Variants in GPR158 observed in about 807,000 individuals in gnomAD.
GPR158 encodes metabotropic glycine receptor.
In GPR158, 30 loss-of-function variants were observed where a neutral mutation model predicts 78.2. That is an observed-to-expected ratio of 0.38 (90% CI 0.29 to 0.52). GPR158 has a LOEUF of 0.52. GPR158 is among the 20% of genes least tolerant of loss of function. The probability of loss-of-function intolerance (pLI) is 0.83; values close to 1 mark genes in which losing one functional copy is unlikely to be tolerated. For synonymous variants in GPR158, 581 were observed against 591.1 expected, an observed-to-expected ratio of 0.98 and a Z score of 0.25; for missense variants, 1,463 against 1,523.5, an observed-to-expected ratio of 0.96 and a Z score of 0.66.
chr10:25,534,174 A>G (rs1836460844), intron 5 of GPR158, among the ~76,000 whole-genome samples: 1 of 152,096 alleles, frequency 6.6e-6, no homozygotes, highest in South Asian at 2.1e-4. Context: ...TTATGTTGAT[A>G]TCTATCATCT....
chr10:25,596,953 T>G (rs1837416795), intron 10 of GPR158, among the ~76,000 whole-genome samples, 164 bp downstream of exon 10: 1 of 152,202 alleles, frequency 6.6e-6, no homozygotes. Context: ...AGATGTCAAA[T>G]GCAGAGTTAA....
intron 4 of GPR158, among the ~76,000 whole-genome samples, chr10:25,456,850 G>A (rs185044538): frequency 3.9e-5 from 6 of 152,202 alleles, no homozygotes; most frequent in Admixed American, 1.3e-4. Flanking sequence ...GGGTAATCAA[G>A]TATTTTCTCT....
Position 25,175,365 on chromosome 10 carries a change from A to G in GPR158, c.-56A>G, listed in dbSNP as rs1035660425. 1 of 1,133,526 alleles carries G rather than the reference A, an allele frequency of 8.8e-7. No homozygotes were observed. Among genetic ancestry groups the G allele is most frequent in the Admixed American group, 2.3e-5 (1 of 42,954 alleles). 70.2% of individuals were successfully genotyped at this position (1,133,526 alleles called of 1,614,324 possible). ...TGACTGTTGAGAAACTGACGATCCA[A>G]ATTTAAAAAGTGATTCCCCCCCCTC... On this transcript the variant is annotated 5_prime_UTR_variant, in exon 1 of 11. Coordinates refer to ENST00000376351, the MANE Select transcript of GPR158 (RefSeq NM_020752.3). The surrounding 1 kb of genome is among the most constrained non-coding windows in gnomAD (Gnocchi z 6.4).
chr10:25,465,898 C>T (rs1458001278), intron 4 of GPR158, among the ~76,000 whole-genome samples: 1 of 152,180 alleles, frequency 6.6e-6, no homozygotes, highest in East Asian at 1.9e-4. Context: ...GCTGTTCTTC[C>T]TGGGTCAATA....
At chr10:25,336,076 T>C (rs1855201773) in intron 2 of GPR158, among the ~76,000 whole-genome samples, 1 of 152,086 alleles carries the variant, frequency 6.6e-6, no homozygotes, top group Non-Finnish European at 1.5e-5. Flanking sequence ...AGATAGATCA[T>C]TGTCATACTA....
intron 2 of GPR158, among the ~76,000 whole-genome samples, chr10:25,233,675 G>T (rs1315218597): frequency 6.6e-6 from 1 of 152,200 alleles, no homozygotes. Context: ...ACCCCTGGGG[G>T]TCCTCAAGAC....
chr10:25,599,346 A>C lies in GPR158; in HGVS notation c.*72A>C. The C allele has an allele frequency of 8.8e-7, 1 of 1,132,804 alleles. No individual in the cohort carries two copies. Among genetic ancestry groups the C allele is most frequent in the Non-Finnish European group, 1.3e-6 (1 of 795,628 alleles). The allele number at this position is 1,132,804 out of a possible 1,614,324, so 70.2% of individuals were successfully genotyped here. ...GAGACAGAAGATATAAGAATCAAAT[A>C]TTCCCAAGGAGGATTTGTCAATCAA... On this transcript the variant is annotated 3_prime_UTR_variant, in exon 11 of 11. Coordinates refer to ENST00000376351, the MANE Select transcript of GPR158 (RefSeq NM_020752.3).
chr10:25,420,863 T>C (rs988258028), intron 4 of GPR158, among the ~76,000 whole-genome samples: 1 of 152,202 alleles, frequency 6.6e-6, no homozygotes, highest in Non-Finnish European at 1.5e-5. Flanking sequence ...TTTTGATTAC[T>C]ATATCTTTGT....
intron 6 of GPR158, among the ~76,000 whole-genome samples, chr10:25,563,839 TTAATAAACTTTATC>T (rs1314772475): frequency 4.6e-5 from 7 of 152,206 alleles, no homozygotes; most frequent in African/African-American, 1.7e-4. Flanking sequence ...AAAAAAATTT[TTAATAAACTTTATC>T]TAATAAGGTT....
chr10:25,231,107 G>A (rs544082959), intron 2 of GPR158, among the ~76,000 whole-genome samples: 3 of 152,264 alleles, frequency 2.0e-5, no homozygotes, highest in South Asian at 2.1e-4. Context: ...CCAAAGGTGA[G>A]ATTTTCTGAT....
chr10:25,327,271 C>G (rs1039338804), intron 2 of GPR158, among the ~76,000 whole-genome samples: 3 of 151,846 alleles, frequency 2.0e-5, no homozygotes, highest in Admixed American at 2.0e-4. Context: ...CACACACACA[C>G]AGAAACACAA....
chr10:25,510,229 TGAA>T (rs1836066746), intron 5 of GPR158, among the ~76,000 whole-genome samples: 1 of 152,198 alleles, frequency 6.6e-6, no homozygotes, highest in African/African-American at 2.4e-5. Context: ...CTGTTGGTAA[TGAA>T]GAAGAATAAT....
At chr10:25,567,021 G>A (rs1031898721) in intron 6 of GPR158, among the ~76,000 whole-genome samples, 3 of 152,150 alleles carry the variant, frequency 2.0e-5, no homozygotes, top group Non-Finnish European at 2.9e-5. Context: ...GAATTTCTAC[G>A]AACATGGTAA....
Position 25,376,519 on chromosome 10 carries a change from C to T in GPR158, c.1009-19392C>T, listed in dbSNP as rs916247428. Among the ~76,000 whole-genome samples the T allele has an allele frequency of 4.0e-5, 6 of 151,600 alleles. No homozygotes were observed. In the South Asian group the frequency reaches 1.2e-3, roughly 31 times the overall value. On this transcript the variant is annotated intron_variant, in intron 2 of 10. Transcript: ENST00000376351. ...TTCTCTGAGGGGTATCCTTACTATA[C>T]GTAATTGTCAGTGATTTAAACCATA...
chr10:25,189,797 A>G (rs1396139024), intron 1 of GPR158, among the ~76,000 whole-genome samples: 1 of 150,056 alleles, frequency 6.7e-6, no homozygotes, highest in Non-Finnish European at 1.5e-5. Flanking sequence ...TAAAAAAAAA[A>G]CCTTTAAAAA....
chr10:25,313,861 A>T (rs996366095), intron 2 of GPR158, among the ~76,000 whole-genome samples: 1 of 152,092 alleles, frequency 6.6e-6, no homozygotes, highest in Non-Finnish European at 1.5e-5. Context: ...AATTTGGAAG[A>T]CTTCCTTCAT....
rs12264207 is a variant in GPR158, at chr10:25,480,935, G to A, written c.1404+14216G>A. On this transcript the variant is annotated intron_variant, in intron 5 of 10. Transcript: ENST00000376351. ...GGTATTAGTACTGGAAGACACCTTC[G>A]TGGCTCTTGTCTGAGTTTATTTCTG... Among the ~76,000 whole-genome samples the A allele has an allele frequency of 9.5e-3, 1,444 of 152,230 alleles. 26 individuals are homozygous for A. Among genetic ancestry groups the A allele is most frequent in the African/African-American group, 0.033 (1,389 of 41,528 alleles).
intron 5 of GPR158, among the ~76,000 whole-genome samples, chr10:25,507,166 A>G (rs947785122): frequency 5.9e-5 from 9 of 152,228 alleles, no homozygotes; most frequent in African/African-American, 2.2e-4. Flanking sequence ...GAATGTGGCA[A>G]AGTACACACT....
chr10:25,412,201 C>A, intron 3 of GPR158, 49 bp from the exon 4 acceptor site: 1 of 1,252,542 alleles, frequency 8.0e-7, no homozygotes, highest in Non-Finnish European at 1.2e-6. Flanking sequence ...CTCAATCTTA[C>A]CTACCTAAGA....
Sources: allele counts gnomAD v4.1 joint callset (sites outside exome capture counted in the v4.1 genomes callset), GRCh38; gene constraint gnomAD v4.1.1; non-coding constraint Gnocchi (gnomAD v3.1); transcripts MANE v1.5; gene names NCBI Gene and HGNC (gene_info 2026-07-23, HGNC 2026-07-21).